Variants in C12orf71 observed in about 807,000 individuals in gnomAD.
C12orf71 encodes chromosome 12 open reading frame 71.
In C12orf71, 10 loss-of-function variants were observed where a neutral mutation model predicts 11.7. The observed-to-expected ratio is 0.86, with a 90% confidence interval of 0.53 to 1.45. The LOEUF (loss-of-function observed/expected upper bound fraction) is 1.45. Ranked by LOEUF, C12orf71 falls within the 40% of genes most tolerant of loss-of-function variation. The pLI is 0.00. For missense variants in C12orf71, 293 were observed against 325.8 expected, an observed-to-expected ratio of 0.90 and a Z score of 0.78; for synonymous variants, 110 against 123.4, an observed-to-expected ratio of 0.89 and a Z score of 0.72.
chr12:27,081,418 G>A lies in C12orf71; in HGVS notation c.566C>T (p.Ser189Phe). The change falls in exon 2 of 2, where the codon TCC becomes TTC. Residue 189 changes from serine to phenylalanine, a missense_variant. By Grantham distance (155) the Ser-to-Phe change is radical (BLOSUM62 -2). Transcript: ENST00000429849. ...ASQRTSAPEI[S>F]SILSEQPEKD... ...CTCTGGCTGCTCTGACAGGATTGAG[G>A]AGATCTCTGGAGCGCTTGTCCTTTG... 10 of 1,613,782 alleles carry A rather than the reference G, an allele frequency of 6.2e-6. No individual in the cohort carries two copies. The highest frequency in any genetic ancestry group is 8.5e-6 in the Non-Finnish European group (10 of 1,179,794).
upstream of C12orf71, among the ~76,000 whole-genome samples, chr12:27,084,099 G>C (rs1371248582): frequency 1.3e-5 from 2 of 152,186 alleles, no homozygotes; most frequent in Non-Finnish European, 2.9e-5. Context: ...GAGTCTCCGT[G>C]GCTAAAAGTC....
In C12orf71 at chr12:27,081,085, T is replaced by G; in HGVS notation, c.*89A>C. 1 of 972,642 alleles carries G rather than the reference T, an allele frequency of 1.0e-6. No individual in the cohort carries two copies. The highest frequency in any genetic ancestry group is 1.5e-6 in the Non-Finnish European group (1 of 654,054). The allele number at this position is 972,642 out of a possible 1,614,324, so 60.3% of individuals were successfully genotyped here. Reference sequence around the variant, plus strand: ...GGGGTAACAAGAGCATTTATTTTGTTTATTGAGGAAAAAACAAACTGATGG... The same window carrying G: ...GGGGTAACAAGAGCATTTATTTTGTGTATTGAGGAAAAAACAAACTGATGG... On this transcript the variant is annotated 3_prime_UTR_variant, in exon 2 of 2. Coordinates refer to ENST00000429849, the MANE Select transcript of C12orf71 (RefSeq NM_001080406.2).
Position 27,081,386 on chromosome 12 carries a change from C to T in C12orf71, c.598G>A (p.Asp200Asn), listed in dbSNP as rs1377083454. The change falls in exon 2 of 2, where the codon GAC becomes AAC. Residue 200 changes from aspartate (D) to asparagine (N), a missense_variant. Physicochemically the swap from Asp to Asn is conservative, Grantham distance 23 (BLOSUM62 1). Transcript: ENST00000429849. ...SILSEQPEKDDTPSHTQAQCC... is the reference protein window; with the variant it reads ...SILSEQPEKDNTPSHTQAQCC... ...TGGGCCTGTGTGTGTGAAGGAGTGTCATCCTTCTCTGGCTGCTCTGACAGG... is the reference window on the plus strand; with the variant it reads ...TGGGCCTGTGTGTGTGAAGGAGTGTTATCCTTCTCTGGCTGCTCTGACAGG... The T allele has an allele frequency of 1.9e-6, 3 of 1,613,928 alleles. No individual in the cohort carries two copies. Among genetic ancestry groups the T allele is most frequent in the Middle Eastern group, 3.3e-4 (2 of 6,060 alleles).
At chr12:27,084,089 G>A (rs1256034604), upstream of C12orf71, among the ~76,000 whole-genome samples, 2 of 152,172 alleles carry the variant, frequency 1.3e-5, no homozygotes, top group Non-Finnish European at 2.9e-5. Context: ...TTCACATCCC[G>A]AGTCTCCGTG....
At position 27,082,221 on chromosome 12, in the gene C12orf71, A is replaced by T. The variant is rs1287958327; in HGVS notation, c.263T>A (p.Ile88Asn). 4.3e-6 allele frequency: 7 copies of T among 1,613,702 alleles called. No homozygotes were observed. The African/African-American group carries it at 5.3e-5, about 12-fold the overall frequency. Residue 88 changes from isoleucine (I) to asparagine (N), a missense_variant, in exon 1 of 2, where the codon ATC (isoleucine) becomes AAC (asparagine). Coordinates refer to ENST00000429849, the MANE Select transcript of C12orf71 (RefSeq NM_001080406.2). ...AATGTCCACGTCCCAGGCCAGGAAG[A>T]TGCTTAGTTTGCAAAACTGCTCTGG... The part of the protein sequence containing the change: ...DEPEQFCKLS[I>N]FLAWDVDIGS...
chr12:27,083,946 A>G (rs1463743224), upstream of C12orf71, among the ~76,000 whole-genome samples: 1 of 152,212 alleles, frequency 6.6e-6, no homozygotes, highest in Non-Finnish European at 1.5e-5. Flanking sequence ...GTGCACGTGC[A>G]TGCACGCGTG....
Position 27,082,448 on chromosome 12 carries a change from G to A in C12orf71, c.36C>T (p.Asp12=), listed in dbSNP as rs708168. ...GGTTGGAATTGGATTTGGAGCTGTC[G>A]TCCTCTATGTCGCTGTTAGAGGATG... The part of the protein sequence containing the change: ...AYSSSNSDIE[D]DSSKSNSNLS... Residue 12 remains aspartate (D), a synonymous_variant, in exon 1 of 2, where the codon GAC becomes GAT. Transcript: ENST00000429849. The A allele has an allele frequency of 0.3, 449,127 of 1,513,452 alleles. 72,517 individuals carry two copies. Among genetic ancestry groups the A allele is most frequent in the Non-Finnish European group, 0.34 (382,437 of 1,131,584 alleles). 93.8% of individuals were successfully genotyped at this position (1,513,452 alleles called of 1,614,324 possible). A position where few individuals can be genotyped will look rare whatever the true frequency, so the allele number is the denominator to read the frequency against.
rs1362049466 is a variant in C12orf71, at chr12:27,082,208, C to T, written c.276G>A (p.Trp92Ter). 2 of 1,613,728 alleles carry T rather than the reference C, an allele frequency of 1.2e-6. No homozygotes were observed. The highest frequency in any genetic ancestry group is 2.7e-5 in the African/African-American group (2 of 74,864). Residue 92 changes from tryptophan (W) to a stop codon, truncating the protein, a stop_gained, in exon 1 of 2, where the codon TGG becomes TGA. Transcript: ENST00000429849. LOFTEE classifies it high-confidence loss of function. Reference protein sequence around the residue: ...QFCKLSIFLAWDVDIGSDNTD... With the variant: ...QFCKLSIFLA Reference sequence around the variant, plus strand: ...TGTTATCGGAGCCAATGTCCACGTCCCAGGCCAGGAAGATGCTTAGTTTGC... The same window carrying T: ...TGTTATCGGAGCCAATGTCCACGTCTCAGGCCAGGAAGATGCTTAGTTTGC...
Position 27,081,368 on chromosome 12 carries a change from G to A in C12orf71, c.616C>T (p.Gln206Ter). 1.2e-6 allele frequency: 2 copies of A among 1,613,930 alleles called. No homozygotes were observed. The highest frequency in any genetic ancestry group is 4.5e-5 in the East Asian group (2 of 44,864). ...CCAAAGTTCAGGCAGCACTGGGCCT[G>A]TGTGTGTGAAGGAGTGTCATCCTTC... is the stretch of plus-strand genomic sequence containing the variant. ...PEKDDTPSHT[Q>*]AQCCLNFGWA... The change falls in exon 2 of 2, where the codon CAG becomes TAG. Residue 206 changes from glutamine (Q) to a stop codon, truncating the protein, a stop_gained. Transcript: ENST00000429849. LOFTEE classifies it low-confidence loss of function (END_TRUNC).
intron 1 of C12orf71, 124 bp from the exon 2 acceptor site, chr12:27,081,591 C>A (rs1449199122): frequency 4.5e-6 from 4 of 880,696 alleles, no homozygotes; most frequent in Middle Eastern, 2.9e-4. Flanking sequence ...TGCAGAGTTT[C>A]AATGCTCATC....
Position 27,082,315 on chromosome 12 carries a change from C to T in C12orf71, c.169G>A (p.Val57Ile), listed in dbSNP as rs538607959. 25 of 1,600,212 alleles carry T rather than the reference C, an allele frequency of 1.6e-5. No homozygotes were observed. In the East Asian group the frequency reaches 2.5e-4, roughly 16 times the overall value. The change falls in exon 1 of 2, where the codon GTC becomes ATC. Residue 57 changes from valine to isoleucine, a missense_variant. Val to Ile is a conservative substitution (Grantham distance 29). Coordinates refer to ENST00000429849, the MANE Select transcript of C12orf71 (RefSeq NM_001080406.2). ...CTTTCAGTCCCCCATGCCCCTTGGA[C>T]GGGAGGCAGAAAGTGGATGGAAGGA... is the stretch of plus-strand genomic sequence containing the variant. ...KGPSIHFLPPVQGAWGTERIG... is the reference protein window; with the variant it reads ...KGPSIHFLPPIQGAWGTERIG...
chr12:27,082,819 C>A (rs2136523309), upstream of C12orf71, among the ~76,000 whole-genome samples: 1 of 152,132 alleles, frequency 6.6e-6, no homozygotes, highest in South Asian at 2.1e-4. Flanking sequence ...CTCAGGTGAT[C>A]CACTCACCTT....
rs757041791 is a variant in C12orf71 at position 27,081,999 on chromosome 12, A to G, written c.485T>C (p.Leu162Pro). 6.3e-7 allele frequency: 1 copy of G among 1,586,818 alleles called. No homozygotes were observed. The highest frequency in any genetic ancestry group is 8.6e-7 in the Non-Finnish European group (1 of 1,164,944). The change falls in exon 1 of 2, where the codon CTA (leucine) becomes CCA (proline). Residue 162 changes from leucine to proline, a missense_variant. By Grantham distance (98) the Leu-to-Pro change is moderately conservative. Coordinates refer to ENST00000429849, the MANE Select transcript of C12orf71 (RefSeq NM_001080406.2). ...FPETAQQDFQ[L>P]SSGSPPEMVQ... ...CATTTCCGGAGGGGAGCCGCTGGAT[A>G]GCTGGAAATCTTGCTGAGCAGTTTC...
chr12:27,081,570 C>CA (rs1941932918), intron 1 of C12orf71, 103 bp from the exon 2 acceptor site: 3 of 1,196,548 alleles, frequency 2.5e-6, no homozygotes, highest in Non-Finnish European at 3.6e-6. Context: ...CAAAAATAGC[C>CA]CAAGTGTCAA....
At chr12:27,081,928 T>C in intron 1 of C12orf71, 40 bp downstream of exon 1, 2 of 1,552,872 alleles carry the variant, frequency 1.3e-6, no homozygotes, top group Non-Finnish European at 1.7e-6. Flanking sequence ...GGCTTGCACT[T>C]GGGCAGGTCT....
At chr12:27,081,757 C>A (rs2136522343) in intron 1 of C12orf71, 1 of 721,280 alleles carries the variant, frequency 1.4e-6, no homozygotes, top group Non-Finnish European at 2.5e-6. Flanking sequence ...CACGTCAGTC[C>A]CCCTGGGACC....
chr12:27,083,738 TTTGAC>T (rs1360126622), upstream of C12orf71, among the ~76,000 whole-genome samples: 1 of 152,236 alleles, frequency 6.6e-6, no homozygotes, highest in African/African-American at 2.4e-5. Context: ...TCCATAAATC[TTTGAC>T]TATGTCTCTT....
upstream of C12orf71, among the ~76,000 whole-genome samples, chr12:27,082,947 G>T (rs1334900823): frequency 1.4e-5 from 2 of 141,182 alleles, no homozygotes; most frequent in East Asian, 2.0e-4. Flanking sequence ...GTTTGTTTTT[G>T]TTTTTTTTTT....
rs1941928932 is a variant in C12orf71, at chr12:27,081,237, T to C, written c.747A>G (p.Arg249=). The C allele has an allele frequency of 3.1e-6, 5 of 1,613,776 alleles. No individual in the cohort carries two copies. The highest frequency in any genetic ancestry group is 4.2e-6 in the Non-Finnish European group (5 of 1,179,826). ...GAATTCTCTTGCCTCTGTGAAAGAG[T>C]CTTTTCGTTGGTGCTGACCGATGGG... ...KSPHRSAPTK[R]LFHRGKRIQP... The change falls in exon 2 of 2, where the codon AGA becomes AGG. Residue 249 remains arginine (R), a synonymous_variant. Coordinates refer to ENST00000429849, the MANE Select transcript of C12orf71 (RefSeq NM_001080406.2).
Sources: gnomAD v4.1 joint callset for allele counts (sites outside exome capture counted in the v4.1 genomes callset) on GRCh38, gnomAD v4.1.1 for gene constraint, MANE v1.5 for transcripts, NCBI Gene and HGNC (gene_info 2026-07-23, HGNC 2026-07-21) for gene names.